The following BARX2 variants were observed in gnomAD, a reference collection of about 807,000 sequenced individuals.
BARX2 encodes the protein homeobox protein BarH-like 2.
In BARX2, 11 loss-of-function variants were observed where a neutral mutation model predicts 25.5. The observed-to-expected ratio is 0.43, with a 90% CI of 0.27 to 0.71. The LOEUF (loss-of-function observed/expected upper bound fraction) is 0.71. Among genes scored for constraint, BARX2 ranks in the 30% least tolerant of loss-of-function variants. BARX2 has a pLI of 0.19. For missense variants in BARX2, 360 were observed against 359.9 expected (o/e 1.00, Z 0.00); for synonymous variants, 137 against 149.5 (o/e 0.92, Z 0.61).
intron 1 of BARX2, among the ~76,000 whole-genome samples, chr11:129,410,146 C>T (rs572155427): frequency 7.7e-4 from 117 of 152,298 alleles, no homozygotes; most frequent in African/African-American, 2.8e-3. Flanking sequence ...TTACTTTCTA[C>T]AGATTTGTCT....
At chr11:129,446,428 C>G (rs1362090042) in intron 3 of BARX2, among the ~76,000 whole-genome samples, 1 of 152,132 alleles carries the variant, frequency 6.6e-6, no homozygotes, top group Non-Finnish European at 1.5e-5. Context: ...GTGCCTGTTT[C>G]CTCTCCAGTA....
chr11:129,442,984 G>A, intron 3 of BARX2, 65 bp downstream of exon 3: 2 of 1,462,954 alleles, frequency 1.4e-6, no homozygotes, highest in Non-Finnish European at 1.9e-6. Context: ...CAGGGCTGTT[G>A]GGAGGGAGGC....
chr11:129,444,865 G>C (rs1470874470), intron 3 of BARX2, among the ~76,000 whole-genome samples: 1 of 152,146 alleles, frequency 6.6e-6, no homozygotes, highest in African/African-American at 2.4e-5. Context: ...GCTGGGTGTG[G>C]TGTTGGTTGC....
At chr11:129,422,202 G>A (rs1389466995) in intron 1 of BARX2, among the ~76,000 whole-genome samples, 18 of 152,114 alleles carry the variant, frequency 1.2e-4, no homozygotes. Flanking sequence ...TATAGCACCT[G>A]AACTACTGCT....
At position 129,438,479 on chromosome 11, in the gene BARX2, C is replaced by T. The variant is rs544608445; in HGVS notation, c.488+1428C>T. ...TCTTTTGCCTGCTGCCTTGGACATACCAGGTTGGACACCAGTCCTATCAAA... is the reference window on the plus strand; with the variant it reads ...TCTTTTGCCTGCTGCCTTGGACATATCAGGTTGGACACCAGTCCTATCAAA... On this transcript the variant is annotated intron_variant, in intron 2 of 3. Coordinates refer to ENST00000281437, the MANE Select transcript of BARX2 (RefSeq NM_003658.5). 4.6e-5 allele frequency among the ~76,000 whole-genome samples: 7 copies of T among 152,250 alleles called. No homozygotes were observed. The East Asian group carries it at 1.2e-3, about 25-fold the overall frequency.
chr11:129,403,666 A>C (rs1861800200), intron 1 of BARX2, among the ~76,000 whole-genome samples: 2 of 152,178 alleles, frequency 1.3e-5, no homozygotes, highest in South Asian at 4.1e-4. Context: ...TCTTGCTGAA[A>C]TAGTCTTTGG....
chr11:129,423,590 G>T (rs1056723529), intron 1 of BARX2, among the ~76,000 whole-genome samples: 10 of 152,140 alleles, frequency 6.6e-5, no homozygotes, highest in Admixed American at 1.3e-4. Flanking sequence ...CTAAACCAGG[G>T]CTATAGTCCA....
Position 129,436,991 on chromosome 11 carries a change from T to C in BARX2, c.428T>C (p.Leu143Pro), listed in dbSNP as rs770871837. ...CGGAGTCGCACCATCTTCACCGAGC[T>C]GCAGCTCATGGGCCTGGAGAAGAAA... ...PRRSRTIFTE[L>P]QLMGLEKKFQ... Residue 143 changes from leucine (L) to proline (P), a missense_variant, in exon 2 of 4, where the codon CTG becomes CCG. By Grantham distance (98) the Leu-to-Pro change is moderately conservative (BLOSUM62 -3). Transcript: ENST00000281437. The surrounding 1 kb of genome is among the most constrained non-coding windows in gnomAD (Gnocchi z 4.5). The C allele has an allele frequency of 6.2e-7, 1 of 1,607,114 alleles. No individual in the cohort carries two copies. The highest frequency in any genetic ancestry group is 1.1e-5 in the South Asian group (1 of 90,468).
chr11:129,387,873 A>G (rs1861630642), intron 1 of BARX2, among the ~76,000 whole-genome samples: 2 of 152,308 alleles, frequency 1.3e-5, no homozygotes, highest in Admixed American at 6.5e-5. Context: ...TGTATACATA[A>G]ATGTGTTCTA....
chr11:129,414,505 G>T (rs549060894), intron 1 of BARX2, among the ~76,000 whole-genome samples: 1 of 152,238 alleles, frequency 6.6e-6, no homozygotes, highest in Admixed American at 6.5e-5. Context: ...ACTAGGTTGG[G>T]TGCAGATCTC....
At chr11:129,393,072 A>C (rs936281340) in intron 1 of BARX2, among the ~76,000 whole-genome samples, 68 of 152,160 alleles carry the variant, frequency 4.5e-4, no homozygotes, top group African/African-American at 1.6e-3. Flanking sequence ...GGAATTTGAG[A>C]CCAGCCTGGG....
chr11:129,398,572 A>C (rs142296052), intron 1 of BARX2, among the ~76,000 whole-genome samples: 242 of 152,356 alleles, frequency 1.6e-3, no homozygotes, highest in African/African-American at 5.6e-3. Flanking sequence ...TCTAATTGAG[A>C]GTTTAAACAT....
chr11:129,424,815 G>A (rs1050799254), intron 1 of BARX2, among the ~76,000 whole-genome samples: 1 of 152,196 alleles, frequency 6.6e-6, no homozygotes, highest in South Asian at 2.1e-4. Context: ...GTGAATGCCA[G>A]GATGTCAGCT....
intron 3 of BARX2, among the ~76,000 whole-genome samples, chr11:129,446,136 T>C (rs1862325898): frequency 6.6e-6 from 1 of 152,166 alleles, no homozygotes; most frequent in African/African-American, 2.4e-5. Context: ...GCACCCTCTA[T>C]TCCATGTCTG....
chr11:129,433,791 T>C (rs1351729074), intron 1 of BARX2, among the ~76,000 whole-genome samples: 1 of 152,124 alleles, frequency 6.6e-6, no homozygotes, highest in Non-Finnish European at 1.5e-5. Context: ...CTTCACACTT[T>C]GCTGTATTTT....
chr11:129,381,375 G>GTTTGTTTTGT (rs374127750), intron 1 of BARX2, among the ~76,000 whole-genome samples: 1 of 151,944 alleles, frequency 6.6e-6, no homozygotes, highest in African/African-American at 2.4e-5. Flanking sequence ...GCCCTTCTTT[G>GTTTGTTTTGT]TTTGTTTTGT....
In BARX2 at chr11:129,436,753, T is replaced by C. The variant is rs142822705; in HGVS notation, c.190T>C (p.Ser64Pro). The C allele has an allele frequency of 0.018, 27,829 of 1,559,786 alleles. 315 individuals carry two copies. The highest frequency in any genetic ancestry group is 0.022 in the Non-Finnish European group (25,048 of 1,148,092). Residue 64 changes from serine (S) to proline (P), a missense_variant and splice_region_variant, in exon 2 of 4, where the codon TCC becomes CCC. Physicochemically the swap from Ser to Pro is moderately conservative, Grantham distance 74. This residue lies in a region of BARX2 where 240 missense variants were observed against 228.7 expected (regional missense o/e 1.05). Coordinates refer to ENST00000281437, the MANE Select transcript of BARX2 (RefSeq NM_003658.5). This position sits in a 1 kb window ranked among gnomAD's most constrained non-coding sequence, Gnocchi z 4.5. ...CTGCCTCCCTGCTTGTTTTCCAGGCTCCCCTTCCCTGCGGGCATATCCGCT... is the reference window on the plus strand; with the variant it reads ...CTGCCTCCCTGCTTGTTTTCCAGGCCCCCCTTCCCTGCGGGCATATCCGCT... ...RPKPLHSCTG[S>P]PSLRAYPLLS...
intron 1 of BARX2, among the ~76,000 whole-genome samples, chr11:129,378,557 CT>C (rs1004930575): frequency 1.0e-5 from 1 of 98,064 alleles, no homozygotes; most frequent in African/African-American, 3.7e-5. Context: ...CTTTTCTTTT[CT>C]TTTTCTTTTT....
Position 129,376,032 on chromosome 11 carries a change from C to T in BARX2, c.-4C>T. On this transcript the variant is annotated 5_prime_UTR_variant, in exon 1 of 4. Coordinates refer to ENST00000281437, the MANE Select transcript of BARX2 (RefSeq NM_003658.5). The surrounding 1 kb of genome is among the most constrained non-coding windows in gnomAD (Gnocchi z 4.2). ...GGGCCGGCGGACGCTCGCGCCGGCT[C>T]ACCATGCACTGCCACGCCGAGCTGA... 4.6e-6 allele frequency: 7 copies of T among 1,537,254 alleles called. No homozygotes were observed. Among genetic ancestry groups the T allele is most frequent in the Non-Finnish European group, 6.1e-6 (7 of 1,145,932 alleles).
Sources: gnomAD v4.1 joint callset for allele counts (sites outside exome capture counted in the v4.1 genomes callset) on GRCh38, gnomAD v4.1.1 for gene constraint, gnomAD v4.1.1 regional missense constraint, Gnocchi (gnomAD v3.1) non-coding constraint, MANE v1.5 for transcripts, NCBI Gene and HGNC (gene_info 2026-07-23, HGNC 2026-07-21) for gene names.